CNNM1: variants seen among roughly 807,000 people sequenced by gnomAD.
CNNM1 encodes cyclin and CBS domain divalent metal cation transport mediator 1, also known as metal transporter CNNM1.
Under a neutral mutation model 78.8 loss-of-function variants are expected in CNNM1, and 44 were observed. That is an observed-to-expected ratio of 0.56 (90% CI 0.44 to 0.72). CNNM1 has a LOEUF of 0.72. Among genes scored for constraint, CNNM1 ranks in the 30% least tolerant of loss-of-function variants. The probability of loss-of-function intolerance (pLI) is 0.00; values close to 1 mark genes in which losing one functional copy is unlikely to be tolerated. For synonymous variants in CNNM1, 584 were observed against 581.5 expected (o/e 1.00, Z -0.06); for missense variants, 1,101 against 1,292.2 (o/e 0.85, Z 2.27).
In CNNM1 at chr10:99,368,996, A is replaced by T. The variant is rs570813284; in HGVS notation, c.2176+3994A>T. Among the ~76,000 whole-genome samples the T allele has an allele frequency of 7.1e-4, 108 of 152,306 alleles. 1 individual carries two copies. The Middle Eastern group carries it at 0.034, about 48-fold the overall frequency. ...TGGAGGGATGAGGAGTACAGCATGA[A>T]TGAAGTAGGAATAGTGGAATACTGT... On this transcript the variant is annotated intron_variant, in intron 6 of 10. Transcript: ENST00000356713.
intron 6 of CNNM1, among the ~76,000 whole-genome samples, chr10:99,369,713 C>T (rs534021049): frequency 1.4e-4 from 21 of 152,240 alleles, no homozygotes; most frequent in African/African-American, 5.1e-4. Context: ...CTCTCTCTCT[C>T]GATGGTGATT....
At chr10:99,340,977 A>T (rs1016987307) in intron 1 of CNNM1, among the ~76,000 whole-genome samples, 2 of 151,984 alleles carry the variant, frequency 1.3e-5, no homozygotes, top group African/African-American at 4.8e-5. Context: ...GACAAGACAG[A>T]CACCATTCCT....
intron 9 of CNNM1, among the ~76,000 whole-genome samples, chr10:99,389,214 G>A (rs771742981): frequency 3.3e-5 from 5 of 152,026 alleles, no homozygotes; most frequent in East Asian, 1.9e-4. Flanking sequence ...CTAGGGGTTC[G>A]AGACCAGTCT....
chr10:99,329,852 A>G lies in CNNM1; in HGVS notation c.465A>G (p.Ala155=). ...VLGPLRPGGV[A]GSALVQVRVR... ...GGCCCTTGCGTCCCGGGGGCGTGGC[A>G]GGCTCGGCCCTGGTCCAGGTGCGAG... The change falls in exon 1 of 11, where the codon GCA becomes GCG. Residue 155 remains alanine, a synonymous_variant. Coordinates refer to ENST00000356713, the MANE Select transcript of CNNM1 (RefSeq NM_020348.3). 7.1e-7 allele frequency: 1 copy of G among 1,416,272 alleles called. No individual in the cohort carries two copies. The highest frequency in any genetic ancestry group is 9.2e-7 in the Non-Finnish European group (1 of 1,090,808). 87.7% of individuals were successfully genotyped at this position (1,416,272 alleles called of 1,614,324 possible).
At position 99,364,163 on chromosome 10, in the gene CNNM1, T is replaced by C. The variant is rs908553576; in HGVS notation, c.2029-254T>C. 1.3e-5 allele frequency among the ~76,000 whole-genome samples: 2 copies of C among 152,190 alleles called. 1 individual carries two copies. The highest frequency in any genetic ancestry group is 3.8e-4 in the East Asian group (2 of 5,200). On this transcript the variant is annotated intron_variant, in intron 4 of 10. Transcript: ENST00000356713. Reference sequence around the variant, plus strand: ...GCATCATGGAAGGGCCACTACAGTATGCAAGGACAGCTTGGTTATTCATGA... The same window carrying C: ...GCATCATGGAAGGGCCACTACAGTACGCAAGGACAGCTTGGTTATTCATGA...
rs542956839 is a variant in CNNM1, at chr10:99,361,022, G to A, written c.1858+47G>A. On this transcript the variant is annotated intron_variant, in intron 3 of 10. Transcript: ENST00000356713. ...GAGAAGCTAAAACAGAATCTCTAGG[G>A]TGGGACCCAGGCACCAATCGTTGTT... 4 of 1,543,006 alleles carry A rather than the reference G, an allele frequency of 2.6e-6. No homozygotes were observed. In the East Asian group the frequency reaches 6.9e-5, roughly 27 times the overall value.
intron 1 of CNNM1, among the ~76,000 whole-genome samples, chr10:99,355,595 C>T (rs769418868): frequency 3.8e-4 from 58 of 152,054 alleles, no homozygotes; most frequent in African/African-American, 1.4e-3. Context: ...GTGTCTATAC[C>T]GCAGAAGAAA....
intron 7 of CNNM1, among the ~76,000 whole-genome samples, chr10:99,382,212 G>A (rs990057001): frequency 1.3e-5 from 2 of 152,316 alleles, no homozygotes; most frequent in South Asian, 2.1e-4. Flanking sequence ...AGATAGAAAG[G>A]TGCATCTAAT....
rs2032528355 is a variant in CNNM1 at position 99,393,355 on chromosome 10, G to A, written c.*1839G>A. On this transcript the variant is annotated 3_prime_UTR_variant, in exon 11 of 11. Coordinates refer to ENST00000356713, the MANE Select transcript of CNNM1 (RefSeq NM_020348.3). The stretch of plus-strand genomic sequence containing the variant: ...TTAACTCAGGGGTTCTTAACTTGGG[G>A]TCCATCACCCCAGGGGGTCCATAGT... 6.6e-6 allele frequency: 1 copy of A among 152,556 alleles called. No individual in the cohort carries two copies. The highest frequency in any genetic ancestry group is 1.5e-5 in the Non-Finnish European group (1 of 68,030). The allele number at this position is 152,556 out of a possible 1,614,324, so 9.5% of individuals were successfully genotyped here. A position where few individuals can be genotyped will look rare whatever the true frequency, so the allele number is the denominator to read the frequency against.
chr10:99,330,043 T>C lies in CNNM1; in HGVS notation c.656T>C (p.Leu219Pro). The C allele has an allele frequency of 6.7e-7, 1 of 1,503,708 alleles. No homozygotes were observed. The highest frequency in any genetic ancestry group is 8.8e-7 in the Non-Finnish European group (1 of 1,136,790). The allele number at this position is 1,503,708 out of a possible 1,614,324, so 93.1% of individuals were successfully genotyped here. The change falls in exon 1 of 11, where the codon CTG becomes CCG. Residue 219 changes from leucine (L) to proline (P), a missense_variant. Physicochemically the swap from Leu to Pro is moderately conservative, Grantham distance 98. This residue lies in a region of CNNM1 where 476 missense variants were observed against 484.5 expected (regional missense o/e 0.98). Coordinates refer to ENST00000356713, the MANE Select transcript of CNNM1 (RefSeq NM_020348.3). The part of the protein sequence containing the change: ...PRLYGPGGDL[L>P]PPAWLRALGA... ...TTGTACGGCCCAGGCGGGGACCTGC[T>C]GCCCCCTGCGTGGCTGCGGGCGCTC...
At chr10:99,365,811 T>A (rs896262917) in intron 6 of CNNM1, among the ~76,000 whole-genome samples, 1 of 152,186 alleles carries the variant, frequency 6.6e-6, no homozygotes, top group African/African-American at 2.4e-5. Flanking sequence ...AAAAAAAGAT[T>A]TTACATATTG....
At chr10:99,340,841 TTC>T (rs1478822130) in intron 1 of CNNM1, among the ~76,000 whole-genome samples, 1 of 126,924 alleles carries the variant, frequency 7.9e-6, no homozygotes, top group Admixed American at 7.5e-5. Context: ...TTCTTTCTCT[TTC>T]TCTTTCTCTC....
intron 1 of CNNM1, among the ~76,000 whole-genome samples, chr10:99,334,191 A>C (rs117467660): frequency 1.3e-5 from 2 of 152,288 alleles, no homozygotes; most frequent in Non-Finnish European, 2.9e-5. Context: ...CCTTATTAAC[A>C]GTGTTTGGTA....
chr10:99,367,154 C>T (rs1424038492), intron 6 of CNNM1, among the ~76,000 whole-genome samples: 1 of 152,140 alleles, frequency 6.6e-6, no homozygotes, highest in Non-Finnish European at 1.5e-5. Context: ...GGTCCAGCCA[C>T]CCAGCATCTT....
chr10:99,370,284 T>C (rs1350552010), intron 6 of CNNM1, among the ~76,000 whole-genome samples: 2 of 152,144 alleles, frequency 1.3e-5, no homozygotes, highest in Admixed American at 1.3e-4. Flanking sequence ...AACAGGAGAT[T>C]AGTGTCAACA....
chr10:99,338,939 G>T (rs979819213), intron 1 of CNNM1, among the ~76,000 whole-genome samples: 1 of 152,148 alleles, frequency 6.6e-6, no homozygotes, highest in African/African-American at 2.4e-5. Context: ...AAATGGAGCC[G>T]TAGAGATTTA....
chr10:99,384,360 A>T (rs2134079375), intron 7 of CNNM1, among the ~76,000 whole-genome samples: 1 of 152,284 alleles, frequency 6.6e-6, no homozygotes, highest in South Asian at 2.1e-4. Context: ...TTTTTTTTAA[A>T]AAGAGAGCTG....
Position 99,330,302 on chromosome 10 carries a change from G to A in CNNM1, c.915G>A (p.Leu305=). 1.3e-6 allele frequency: 2 copies of A among 1,587,404 alleles called. No individual in the cohort carries two copies. Among genetic ancestry groups the A allele is most frequent in the Non-Finnish European group, 1.7e-6 (2 of 1,167,498 alleles). ...TGGCTGGCTGGCTGTACACCTCGCT[G>A]CCGCCGGGCTTCGGGGGCACCGGGG... ...AALAGWLYTS[L]PPGFGGTGED... Residue 305 remains leucine (L), a synonymous_variant, in exon 1 of 11, where the codon CTG becomes CTA. Coordinates refer to ENST00000356713, the MANE Select transcript of CNNM1 (RefSeq NM_020348.3).
chr10:99,348,227 G>A (rs557593752), intron 1 of CNNM1, among the ~76,000 whole-genome samples: 2 of 151,712 alleles, frequency 1.3e-5, no homozygotes, highest in African/African-American at 2.4e-5. Flanking sequence ...AAAATTTTTT[G>A]TAAAGATGAA....
Sources: allele counts gnomAD v4.1 joint callset (sites outside exome capture counted in the v4.1 genomes callset), GRCh38; gene constraint gnomAD v4.1.1; regional missense constraint gnomAD v4.1.1; transcripts MANE v1.5; gene names NCBI Gene and HGNC (gene_info 2026-07-23, HGNC 2026-07-21).